The following ADA2 variants were observed in gnomAD, a reference collection of about 807,000 sequenced individuals.
ADA2 encodes adenosine deaminase CECR1.
In ADA2, 29 loss-of-function variants were observed where a neutral mutation model predicts 44.2. The ratio of observed to expected loss-of-function variants is 0.66; its 90% CI spans 0.49 to 0.89. The LOEUF is 0.89. Ranked by LOEUF, ADA2 falls within the 40% of genes least tolerant of loss-of-function variation. The pLI, the probability that ADA2 is intolerant of heterozygous loss-of-function variation, is 0.00. For missense variants in ADA2, 637 were observed against 644.8 expected (o/e 0.99, Z 0.13); for synonymous variants, 215 against 234.9 (o/e 0.92, Z 0.77).
intron 1 of ADA2, among the ~76,000 whole-genome samples, chr22:17,218,944 G>A (rs533348885): frequency 1.2e-4 from 18 of 152,136 alleles, no homozygotes; most frequent in Non-Finnish European, 2.4e-4. Context: ...ATCACCTGAC[G>A]TCAGTCGTTC....
Position 17,188,451 on chromosome 22 carries a change from C to T in ADA2, c.973-4G>A, listed in dbSNP as rs1487517676. 6 of 1,602,740 alleles carry T rather than the reference C, an allele frequency of 3.7e-6. No individual in the cohort carries two copies. The highest frequency in any genetic ancestry group is 5.1e-6 in the Non-Finnish European group (6 of 1,169,920). On this transcript the variant is annotated splice_region_variant and splice_polypyrimidine_tract_variant and intron_variant, in intron 6 of 9. Coordinates refer to ENST00000399837, the MANE Select transcript of ADA2 (RefSeq NM_001282225.2). The stretch of plus-strand genomic sequence containing the variant: ...GGCCAGTGTCCTCATGCCCCACCTG[C>T]AGGACAGAGAGGGACAGGGAGGTGT...
At chr22:17,189,332 G>A (rs750363516) in intron 6 of ADA2, among the ~76,000 whole-genome samples, 8 of 152,078 alleles carry the variant, frequency 5.3e-5, no homozygotes, top group African/African-American at 1.4e-4. Flanking sequence ...TGAGATTGCC[G>A]AGCTGTCACC....
rs142873778 is a variant in ADA2 at position 17,192,575 on chromosome 22, C to T, written c.754-765G>A. ...GGGAAAGGTGGCTCACACCTGTAAT[C>T]ATAGCACTTTGGGAGGCCGAGGCAG... On this transcript the variant is annotated intron_variant, in intron 4 of 9. Transcript: ENST00000399837. Among the ~76,000 whole-genome samples, 893 of 152,250 alleles carry T rather than the reference C, an allele frequency of 5.9e-3. 14 individuals carry two copies. Among genetic ancestry groups the T allele is most frequent in the African/African-American group, 0.021 (864 of 41,534 alleles).
At chr22:17,214,039 CAAAAAAAAAAA>C in intron 1 of ADA2, 1 of 284,104 alleles carries the variant, frequency 3.5e-6, no homozygotes, top group Admixed American at 5.9e-5. Context: ...AACTCTGTCT[CAAAAAAAAAAA>C]AAAAAAAAAA....
intron 7 of ADA2, 76 bp from the exon 8 acceptor site, chr22:17,182,837 A>C (rs528761457): frequency 7.8e-4 from 1,176 of 1,507,472 alleles, no homozygotes; most frequent in Non-Finnish European, 9.8e-4. Context: ...GGTCTGACCC[A>C]CCCGCCCCCC....
chr22:17,192,722 G>A (rs777499806), intron 4 of ADA2, among the ~76,000 whole-genome samples: 2 of 152,022 alleles, frequency 1.3e-5, no homozygotes, highest in Non-Finnish European at 2.9e-5. Context: ...TCAGCTACTG[G>A]GGAGGCTGAG....
intron 4 of ADA2, chr22:17,193,209 C>A: frequency 8.3e-7 from 1 of 1,211,892 alleles, no homozygotes; most frequent in Non-Finnish European, 1.2e-6. Flanking sequence ...TCGCTCACAA[C>A]GTTTCCTCTA....
chr22:17,188,486 G>A (rs778770185), intron 6 of ADA2, 39 bp from the exon 7 acceptor site: 23 of 1,439,276 alleles, frequency 1.6e-5, no homozygotes, highest in Admixed American at 5.1e-5. Context: ...TCTGCAGGGC[G>A]CATGCCTCAC....
chr22:17,190,599 C>T (rs962623653), intron 5 of ADA2, among the ~76,000 whole-genome samples: 18 of 152,140 alleles, frequency 1.2e-4, no homozygotes, highest in African/African-American at 3.9e-4. Context: ...CGCAAGCCCA[C>T]GACAGGCTCA....
At position 17,189,383 on chromosome 22, in the gene ADA2, G is replaced by A. The variant is rs116550759; in HGVS notation, c.972+559C>T. Among the ~76,000 whole-genome samples, 705 of 152,274 alleles carry A rather than the reference G, an allele frequency of 4.6e-3. 9 individuals are homozygous for A. Among genetic ancestry groups the A allele is most frequent in the African/African-American group, 0.016 (677 of 41,542 alleles). On this transcript the variant is annotated intron_variant, in intron 6 of 9. Transcript: ENST00000399837. The stretch of plus-strand genomic sequence containing the variant: ...TTGTGCTTCGATTTGGTGGGGAGGT[G>A]TGGGACAATGACAACACCTATGAAT...
upstream of ADA2, among the ~76,000 whole-genome samples, chr22:17,219,824 G>A (rs1451926084): frequency 5.9e-5 from 9 of 151,988 alleles, no homozygotes; most frequent in African/African-American, 1.9e-4. Flanking sequence ...GCAGGCGTGC[G>A]CCACCATGCC....
At chr22:17,185,547 A>T (rs3827280) in intron 7 of ADA2, among the ~76,000 whole-genome samples, 133,437 of 152,236 alleles carry the variant, frequency 0.88, 58,578 homozygotes, top group East Asian at 0.92. Flanking sequence ...TTAGGTCCTG[A>T]GCTGCAATGT....
At chr22:17,213,281 T>C (rs911840696) in intron 1 of ADA2, among the ~76,000 whole-genome samples, 2 of 152,158 alleles carry the variant, frequency 1.3e-5, no homozygotes, top group African/African-American at 4.8e-5. Context: ...ACAGTATGGA[T>C]ATTTCTTGAA....
chr22:17,184,980 C>CAA (rs1491485805), intron 7 of ADA2, among the ~76,000 whole-genome samples: 1 of 35,696 alleles, frequency 2.8e-5, no homozygotes, highest in Non-Finnish European at 6.2e-5. Flanking sequence ...GTGCCCATGT[C>CAA]AAAATATATA....
rs7289697 is a variant in ADA2, at chr22:17,181,032, C to G, written c.*451G>C. 55,486 of 152,956 alleles carry G rather than the reference C, an allele frequency of 0.36. 10,673 individuals are homozygous for G. Among genetic ancestry groups the G allele is most frequent in the African/African-American group, 0.46 (18,933 of 41,446 alleles). 9.5% of individuals were successfully genotyped at this position (152,956 alleles called of 1,614,324 possible). A position where few individuals can be genotyped will look rare whatever the true frequency, so the allele number is the denominator to read the frequency against. ...ACATGCCTATAATTCCAACTACTCG[C>G]GAGGCTGATGCAAGAGAATTGCCTG... On this transcript the variant is annotated 3_prime_UTR_variant, in exon 10 of 10. Coordinates refer to ENST00000399837, the MANE Select transcript of ADA2 (RefSeq NM_001282225.2).
Position 17,179,493 on chromosome 22 carries a change from A to G in ADA2, c.*1990T>C, listed in dbSNP as rs1379351147. The G allele has an allele frequency of 2.6e-5, 4 of 152,302 alleles. No homozygotes were observed. The highest frequency in any genetic ancestry group is 5.9e-5 in the Non-Finnish European group (4 of 68,080). The allele number at this position is 152,302 out of a possible 1,614,324, so 9.4% of individuals were successfully genotyped here. On this transcript the variant is annotated 3_prime_UTR_variant, in exon 10 of 10. Coordinates refer to ENST00000399837, the MANE Select transcript of ADA2 (RefSeq NM_001282225.2). ...TGTGATTAGAGGCATGATGGAAAAG[A>G]GCAAGGCTTCCTGAGAGAAACAGGG...
chr22:17,221,156 A>AAAAAAG (rs2062520217), upstream of ADA2, among the ~76,000 whole-genome samples: 1 of 151,066 alleles, frequency 6.6e-6, no homozygotes. Flanking sequence ...AAAAAAAAAA[A>AAAAAAG]GAGTTTAACA....
intron 4 of ADA2, among the ~76,000 whole-genome samples, chr22:17,195,387 G>A (rs1361597646): frequency 2.0e-5 from 3 of 152,024 alleles, no homozygotes; most frequent in Non-Finnish European, 4.4e-5. Flanking sequence ...CAATTAGCCG[G>A]GCGTGGTGGT....
rs1221061971 is a variant in ADA2, at chr22:17,179,672, A to G, written c.*1811T>C. 6.6e-6 allele frequency: 1 copy of G among 152,288 alleles called. No individual in the cohort carries two copies. Among genetic ancestry groups the G allele is most frequent in the Non-Finnish European group, 1.5e-5 (1 of 68,134 alleles). 9.4% of individuals were successfully genotyped at this position (152,288 alleles called of 1,614,324 possible). A position where few individuals can be genotyped will look rare whatever the true frequency, so the allele number is the denominator to read the frequency against. ...GGTATAGAGCCGAGGACATTTGAGG[A>G]AGAAAGGGCCGCCGGGGTTGGGGCC... On this transcript the variant is annotated 3_prime_UTR_variant, in exon 10 of 10. Coordinates refer to ENST00000399837, the MANE Select transcript of ADA2 (RefSeq NM_001282225.2).
Sources: gnomAD v4.1 joint callset for allele counts (sites outside exome capture counted in the v4.1 genomes callset) on GRCh38, gnomAD v4.1.1 for gene constraint, MANE v1.5 for transcripts, NCBI Gene and HGNC (gene_info 2026-07-23, HGNC 2026-07-21) for gene names.